Variants in PARP4 observed in about 807,000 individuals in gnomAD.
PARP4 encodes the protein poly(ADP-ribose) polymerase family member 4.
Under a neutral mutation model 187.7 loss-of-function variants are expected in PARP4, and 120 were observed. The observed-to-expected ratio is 0.64, with a 90% CI of 0.55 to 0.74. The LOEUF (loss-of-function observed/expected upper bound fraction) is 0.74. Among genes scored for constraint, PARP4 ranks in the 30% least tolerant of loss-of-function variants. The pLI, the probability that PARP4 is intolerant of heterozygous loss-of-function variation, is 0.00. For missense variants in PARP4, 1,836 were observed against 2,070.5 expected (o/e 0.89, Z 2.20); for synonymous variants, 654 against 740.9 (o/e 0.88, Z 1.90).
chr13:24,495,516 T>C (rs1269681197), intron 6 of PARP4, among the ~76,000 whole-genome samples: 1 of 152,142 alleles, frequency 6.6e-6, no homozygotes, highest in Non-Finnish European at 1.5e-5. Flanking sequence ...AGGCTCCAGC[T>C]CCTCCCTCAT....
chr13:24,507,680 C>T lies in PARP4; in HGVS notation c.-1-3903G>A, dbSNP rs150707635. The stretch of plus-strand genomic sequence containing the variant: ...CTGTTGCGCCTGTGTTCAATCTCTT[C>T]TCCACACTGCAGCTTCAGGAAACTT... On this transcript the variant is annotated intron_variant, in intron 1 of 33. Coordinates refer to ENST00000381989, the MANE Select transcript of PARP4 (RefSeq NM_006437.4). Among the ~76,000 whole-genome samples, 949 of 152,362 alleles carry T rather than the reference C, an allele frequency of 6.2e-3. 14 individuals carry two copies. Among genetic ancestry groups the T allele is most frequent in the African/African-American group, 0.022 (895 of 41,576 alleles).
chr13:24,470,291 C>T (rs183073186), intron 15 of PARP4, among the ~76,000 whole-genome samples: 77 of 152,310 alleles, frequency 5.1e-4, no homozygotes, highest in African/African-American at 1.6e-3. Context: ...ACTTAGCAGA[C>T]GCAATATAGC....
intron 9 of PARP4, among the ~76,000 whole-genome samples, chr13:24,492,104 G>A (rs1868685523): frequency 6.6e-6 from 1 of 152,306 alleles, no homozygotes; most frequent in South Asian, 2.1e-4. Flanking sequence ...TGTCCTTATC[G>A]TTTAAGTCAG....
intron 33 of PARP4, among the ~76,000 whole-genome samples, chr13:24,424,824 A>G (rs1443356454): frequency 6.8e-6 from 1 of 147,426 alleles, no homozygotes; most frequent in African/African-American, 2.5e-5. Context: ...GGCACCCGCC[A>G]TCACACCTGG....
chr13:24,437,955 A>G (rs1480135174), intron 30 of PARP4, among the ~76,000 whole-genome samples: 5 of 152,224 alleles, frequency 3.3e-5, no homozygotes, highest in Middle Eastern at 3.4e-3. Context: ...ACAGGGTTTC[A>G]CCATGTTGGC....
At chr13:24,422,297 T>A (rs1256133860) in intron 33 of PARP4, among the ~76,000 whole-genome samples, 1 of 152,220 alleles carries the variant, frequency 6.6e-6, no homozygotes, top group Non-Finnish European at 1.5e-5. Flanking sequence ...AGGCACTCAA[T>A]AAATGTTCGC....
chr13:24,427,703 T>G (rs1001162878), intron 32 of PARP4, among the ~76,000 whole-genome samples: 4 of 152,140 alleles, frequency 2.6e-5, no homozygotes, highest in Non-Finnish European at 4.4e-5. Flanking sequence ...TGCTCGTAAG[T>G]GGGCTTTTAT....
chr13:24,508,316 TG>T (rs751117562), intron 1 of PARP4, among the ~76,000 whole-genome samples: 2 of 152,220 alleles, frequency 1.3e-5, no homozygotes, highest in Non-Finnish European at 2.9e-5. Context: ...CACCTTCAGA[TG>T]GGTCCTGGAT....
At chr13:24,451,852 G>C (rs76628722) in intron 24 of PARP4, 1 of 152,704 alleles carries the variant, frequency 6.5e-6, no homozygotes, top group Non-Finnish European at 1.5e-5. Context: ...AGGGGTGTTA[G>C]CCTCTCATGG....
intron 17 of PARP4, among the ~76,000 whole-genome samples, chr13:24,463,545 C>T (rs1872310665): frequency 1.3e-5 from 2 of 152,060 alleles, no homozygotes; most frequent in Non-Finnish European, 2.9e-5. Context: ...AAGACAAAAG[C>T]CACATGATTA....
At chr13:24,485,379 T>G (rs1200814289) in intron 11 of PARP4, among the ~76,000 whole-genome samples, 2 of 152,212 alleles carry the variant, frequency 1.3e-5, no homozygotes, top group African/African-American at 2.4e-5. Flanking sequence ...TAAAAAAATC[T>G]TATTGGTAAT....
intron 24 of PARP4, among the ~76,000 whole-genome samples, chr13:24,451,304 G>A (rs901525433): frequency 1.3e-5 from 2 of 152,218 alleles, no homozygotes; most frequent in African/African-American, 4.8e-5. Flanking sequence ...ACAACTCCTG[G>A]TGGAGCTGCT....
chr13:24,478,687 G>T (rs575093202), intron 12 of PARP4, among the ~76,000 whole-genome samples: 34 of 152,260 alleles, frequency 2.2e-4, no homozygotes, highest in African/African-American at 7.5e-4. Flanking sequence ...TCCCTCCTCA[G>T]CCTCCCAAAG....
chr13:24,498,332 G>A, intron 5 of PARP4, 103 bp from the exon 6 acceptor site: 2 of 679,630 alleles, frequency 2.9e-6, no homozygotes, highest in Non-Finnish European at 5.1e-6. Flanking sequence ...TTCATTTAGA[G>A]ATATAATTTA....
At chr13:24,430,635 G>T (rs1972903) in intron 32 of PARP4, among the ~76,000 whole-genome samples, 142,130 of 151,688 alleles carry the variant, frequency 0.94, 66,728 homozygotes, top group East Asian at 0.99. Context: ...GCCTGGGCAA[G>T]GGAGCCAGAT....
chr13:24,496,057 C>CA (rs1344308231), intron 6 of PARP4, among the ~76,000 whole-genome samples: 1 of 151,654 alleles, frequency 6.6e-6, no homozygotes, highest in Non-Finnish European at 1.5e-5. Context: ...TTTTCTTTCT[C>CA]AATGAAGAAA....
At chr13:24,470,587 C>T (rs1036105062) in intron 15 of PARP4, among the ~76,000 whole-genome samples, 10 of 152,142 alleles carry the variant, frequency 6.6e-5, no homozygotes, top group Admixed American at 3.3e-4. Flanking sequence ...GTTTTCATCA[C>T]TCCCTCACTC....
chr13:24,458,178 C>T (rs1593612197), intron 20 of PARP4, among the ~76,000 whole-genome samples: 2 of 150,782 alleles, frequency 1.3e-5, no homozygotes, highest in South Asian at 4.2e-4. Context: ...GGCGCAATCT[C>T]AGCTCACTGC....
At chr13:24,479,409 C>T (rs575190041) in intron 12 of PARP4, among the ~76,000 whole-genome samples, 3 of 152,290 alleles carry the variant, frequency 2.0e-5, no homozygotes, top group East Asian at 1.9e-4. Flanking sequence ...CCTATCTCAC[C>T]ACGTTCTGGC....
Sources: allele counts gnomAD v4.1 joint callset (sites outside exome capture counted in the v4.1 genomes callset), GRCh38; gene constraint gnomAD v4.1.1; transcripts MANE v1.5; gene names NCBI Gene and HGNC (gene_info 2026-07-23, HGNC 2026-07-21).